Variants in BTBD2 observed in about 807,000 individuals in gnomAD.
BTBD2 encodes the protein BTB/POZ domain-containing protein 2.
In BTBD2, 15 loss-of-function variants were observed where a neutral mutation model predicts 44.0. The ratio of observed to expected loss-of-function variants is 0.34; its 90% CI spans 0.23 to 0.53. The LOEUF (loss-of-function observed/expected upper bound fraction) is 0.53. Ranked by LOEUF, BTBD2 falls within the 20% of genes least tolerant of loss-of-function variation. The pLI is 0.95. For missense variants in BTBD2, 657 were observed against 746.4 expected (o/e 0.88, Z 1.39); for synonymous variants, 443 against 335.9 (o/e 1.32, Z -3.49).
At chr19:1,999,307 A>C (rs2145635751) in intron 1 of BTBD2, among the ~76,000 whole-genome samples, 1 of 152,296 alleles carries the variant, frequency 6.6e-6, no homozygotes, top group East Asian at 1.9e-4. Flanking sequence ...GCCGGTGCTA[A>C]CTCCGTGAGT....
chr19:1,999,877 G>A (rs1318091754), intron 1 of BTBD2, among the ~76,000 whole-genome samples: 3 of 151,070 alleles, frequency 2.0e-5, no homozygotes, highest in Non-Finnish European at 2.9e-5. Flanking sequence ...CAGGAGAATT[G>A]CTTGAACCCG....
In BTBD2 at chr19:1,986,558, T is replaced by C. The variant is rs1453741108; in HGVS notation, c.1508A>G (p.Tyr503Cys). 2 of 1,614,054 alleles carry C rather than the reference T, an allele frequency of 1.2e-6. No homozygotes were observed. The highest frequency in any genetic ancestry group is 2.2e-5 in the South Asian group (2 of 91,090). ...TGTGCCATTGTTGTTCCCGGCCGCGTAGCAAAAGGTGAAGCAGGTCTTGGC... is the reference window on the plus strand; with the variant it reads ...TGTGCCATTGTTGTTCCCGGCCGCGCAGCAAAAGGTGAAGCAGGTCTTGGC... ...TGAKTCFTFC[Y>C]AAGNNNGTSV... Residue 503 changes from tyrosine (Y) to cysteine (C), a missense_variant, in exon 9 of 9, where the codon TAC (tyrosine) becomes TGC (cysteine). This residue lies in a region of BTBD2 where 449 missense variants were observed against 510.9 expected (regional missense o/e 0.88). Transcript: ENST00000255608.
At position 1,987,578 on chromosome 19, in the gene BTBD2, C is replaced by T. The variant is rs756575059; in HGVS notation, c.1103G>A (p.Arg368His). ...GCGGTTGATGCTGCACTCCTTCCCA[C>T]GCAGGCAGCAGCGGGGCCGGTCAAT... ...EFIDRPRCCLRGKECSINRFQ... is the reference protein window; with the variant it reads ...EFIDRPRCCLHGKECSINRFQ... The change falls in exon 6 of 9, where the codon CGT becomes CAT. Residue 368 changes from arginine to histidine, a missense_variant. Physicochemically the swap from Arg to His is conservative, Grantham distance 29. Transcript: ENST00000255608. The T allele has an allele frequency of 8.7e-6, 14 of 1,612,254 alleles. No homozygotes were observed. The highest frequency in any genetic ancestry group is 1.3e-5 in the African/African-American group (1 of 74,800).
At chr19:1,991,092 C>T (rs934905397) in intron 3 of BTBD2, 7 of 386,032 alleles carry the variant, frequency 1.8e-5, no homozygotes, top group East Asian at 1.7e-4. Flanking sequence ...AGGTCCCTGT[C>T]GGCAGGGCCT....
At chr19:2,011,123 C>T (rs2016459247) in intron 1 of BTBD2, among the ~76,000 whole-genome samples, 1 of 152,126 alleles carries the variant, frequency 6.6e-6, no homozygotes, top group South Asian at 2.1e-4. Context: ...CCCGCCAACA[C>T]ATCCAAGCCA....
chr19:1,996,250 C>T (rs1199329612), intron 2 of BTBD2, among the ~76,000 whole-genome samples: 1 of 152,124 alleles, frequency 6.6e-6, no homozygotes, highest in Non-Finnish European at 1.5e-5. Context: ...AGCCCTCCAA[C>T]TTTGTTCTTT....
intron 5 of BTBD2, chr19:1,987,896 G>C (rs942906604): frequency 6.9e-6 from 4 of 582,164 alleles, no homozygotes; most frequent in East Asian, 5.8e-5. Flanking sequence ...GCACAGACCA[G>C]AGGCCGACAG....
chr19:1,992,291 G>C (rs2016190531), intron 3 of BTBD2, among the ~76,000 whole-genome samples: 1 of 151,986 alleles, frequency 6.6e-6, no homozygotes, highest in Admixed American at 6.6e-5. Context: ...GTAGAGATGA[G>C]GTTTCACCAT....
At chr19:2,002,044 A>G (rs560778662) in intron 1 of BTBD2, among the ~76,000 whole-genome samples, 1 of 152,036 alleles carries the variant, frequency 6.6e-6, no homozygotes, top group Non-Finnish European at 1.5e-5. Context: ...CCTGGAAGAG[A>G]TGTCCTTTAT....
At chr19:2,002,669 CGAG>C in intron 1 of BTBD2, 3 of 151,954 alleles carry the variant, frequency 2.0e-5, no homozygotes, top group Non-Finnish European at 2.9e-5. Flanking sequence ...GTCAGGAGAT[CGAG>C]ACCATCCTGG....
chr19:1,989,821 G>C, intron 5 of BTBD2, 183 bp downstream of exon 5: 1 of 668,706 alleles, frequency 1.5e-6, no homozygotes, highest in Non-Finnish European at 2.5e-6. Context: ...GGACAGAGCC[G>C]GGCCGGGGCT....
intron 3 of BTBD2, among the ~76,000 whole-genome samples, chr19:1,992,767 T>C (rs1385111332): frequency 2.0e-5 from 3 of 152,064 alleles, no homozygotes; most frequent in Non-Finnish European, 2.9e-5. Context: ...AGATAGGATT[T>C]CGCCATGTTG....
chr19:2,009,422 A>T (rs778940462), intron 1 of BTBD2, among the ~76,000 whole-genome samples: 9 of 151,168 alleles, frequency 6.0e-5, no homozygotes, highest in Non-Finnish European at 8.9e-5. Context: ...CTGGTCTCAA[A>T]TTCCTGACCT....
In BTBD2 at chr19:1,986,247, T is replaced by G; in HGVS notation, c.*241A>C. The G allele has an allele frequency of 1.8e-6, 1 of 549,698 alleles. No homozygotes were observed. The allele number at this position is 549,698 out of a possible 1,614,324, so 34.1% of individuals were successfully genotyped here. A position where few individuals can be genotyped will look rare whatever the true frequency, so the allele number is the denominator to read the frequency against. On this transcript the variant is annotated 3_prime_UTR_variant, in exon 9 of 9. Transcript: ENST00000255608. Reference sequence around the variant, plus strand: ...CAGCCCTGTCCCTAGTCCTGAGGGATTGTCTCCACAGGGCCTGGCCACTGG... The same window carrying G: ...CAGCCCTGTCCCTAGTCCTGAGGGAGTGTCTCCACAGGGCCTGGCCACTGG...
intron 5 of BTBD2, chr19:1,988,529 G>C (rs1391865516): frequency 6.6e-6 from 1 of 151,308 alleles, no homozygotes; most frequent in African/African-American, 2.5e-5. Context: ...AAGTGAATCA[G>C]GAAGACTGAG....
intron 1 of BTBD2, chr19:2,003,517 C>G (rs2145642363): frequency 6.6e-6 from 1 of 151,780 alleles, no homozygotes; most frequent in Non-Finnish European, 1.5e-5. Context: ...CGCCTGTAAT[C>G]CCAGCACTAT....
chr19:1,997,748 G>A (rs895241325), intron 1 of BTBD2, among the ~76,000 whole-genome samples: 1 of 152,208 alleles, frequency 6.6e-6, no homozygotes, highest in African/African-American at 2.4e-5. Context: ...TTTCCTTCCA[G>A]GCGTCAGGCA....
In BTBD2 at chr19:2,015,582, G is replaced by A. The variant is rs2016525653; in HGVS notation, c.122C>T (p.Ala41Val). The change falls in exon 1 of 9, where the codon GCG (alanine) becomes GTG (valine). Residue 41 changes from alanine to valine, a missense_variant. Physicochemically the swap from Ala to Val is moderately conservative, Grantham distance 64. Coordinates refer to ENST00000255608, the MANE Select transcript of BTBD2 (RefSeq NM_017797.4). ...NAAATPAPGN[A>V]AAAAAAAAAA... ...GGCGGCGGCGGCGGCGGCGGCGGCC[G>A]CGTTGCCGGGGGCCGGGGTGGCGGC... The A allele has an allele frequency of 4.2e-6, 4 of 963,836 alleles. No individual in the cohort carries two copies. Among genetic ancestry groups the A allele is most frequent in the Non-Finnish European group, 4.9e-6 (4 of 819,020 alleles). 59.7% of individuals were successfully genotyped at this position (963,836 alleles called of 1,614,324 possible). A position where few individuals can be genotyped will look rare whatever the true frequency, so the allele number is the denominator to read the frequency against.
chr19:2,001,429 T>A (rs1599356306), intron 1 of BTBD2, among the ~76,000 whole-genome samples: 1 of 150,852 alleles, frequency 6.6e-6, no homozygotes, highest in Non-Finnish European at 1.5e-5. Context: ...GAGGCGGAGG[T>A]CGCAGTGAGC....
Sources: gnomAD v4.1 joint callset for allele counts (sites outside exome capture counted in the v4.1 genomes callset) on GRCh38, gnomAD v4.1.1 for gene constraint, gnomAD v4.1.1 regional missense constraint, MANE v1.5 for transcripts, NCBI Gene and HGNC (gene_info 2026-07-23, HGNC 2026-07-21) for gene names.